The following IRAG2 variants were observed in gnomAD, a reference collection of about 807,000 sequenced individuals.
IRAG2 encodes the protein lymphoid restricted membrane protein.
IRAG2 carries 45 observed loss-of-function variants against 69.9 expected under a neutral mutation model. That is an observed-to-expected ratio of 0.64 (90% confidence interval 0.51 to 0.83). The LOEUF (loss-of-function observed/expected upper bound fraction) is 0.83. IRAG2 is among the 40% of genes least tolerant of loss of function. The pLI is 0.00. For synonymous variants in IRAG2, 193 were observed against 202.4 expected (o/e 0.95, Z 0.40); for missense variants, 520 against 587.0 (o/e 0.89, Z 1.18).
chr12:25,071,791 T>C (rs1946353524), intron 6 of IRAG2, among the ~76,000 whole-genome samples: 1 of 142,948 alleles, frequency 7.0e-6, no homozygotes, highest in Non-Finnish European at 1.5e-5. Flanking sequence ...ACCTTGAAAG[T>C]ATTTTTTTTT....
upstream of IRAG2, among the ~76,000 whole-genome samples, chr12:25,003,178 T>C (rs1377735914): frequency 1.3e-5 from 2 of 151,950 alleles, no homozygotes; most frequent in Non-Finnish European, 2.9e-5. Flanking sequence ...TTCTGTATTA[T>C]TGTTCATTCT....
At chr12:25,031,369 G>A (rs181624561) in intron 10 of IRAG2, among the ~76,000 whole-genome samples, 6 of 152,210 alleles carry the variant, frequency 3.9e-5, no homozygotes, top group African/African-American at 1.4e-4. Flanking sequence ...CACCACGCTA[G>A]CCACAGGATA....
chr12:25,017,613 C>T (rs1463084531), intron 6 of IRAG2, among the ~76,000 whole-genome samples: 1 of 151,746 alleles, frequency 6.6e-6, no homozygotes, highest in Non-Finnish European at 1.5e-5. Flanking sequence ...AGCTATTCTG[C>T]AGGCTGAGGC....
intron 9 of IRAG2, chr12:25,026,993 A>C (rs1944627357): frequency 4.5e-6 from 2 of 442,190 alleles, no homozygotes; most frequent in Non-Finnish European, 7.5e-6. Context: ...TAGTCTACAA[A>C]ATATTTGAGT....
chr12:25,038,594 T>C (rs1031951843), intron 16 of IRAG2, among the ~76,000 whole-genome samples: 8 of 151,238 alleles, frequency 5.3e-5, no homozygotes, highest in Admixed American at 3.9e-4. Flanking sequence ...TGAGCTGAGA[T>C]TGCACTACTG....
chr12:25,105,208 C>G (rs1948985525), intron 20 of IRAG2, among the ~76,000 whole-genome samples: 1 of 151,582 alleles, frequency 6.6e-6, no homozygotes, highest in South Asian at 2.1e-4. Context: ...TCCCAAGTAG[C>G]TGGGACTACA....
In IRAG2 at chr12:25,083,454, C is replaced by A. The variant is rs780916850; in HGVS notation, c.276C>A (p.Phe92Leu). Residue 92 changes from phenylalanine (F) to leucine (L), a missense_variant, in exon 10 of 22, where the codon TTC becomes TTA. Coordinates refer to ENST00000556887, the MANE Select transcript of IRAG2 (RefSeq NM_001366544.2). ...GTSPAHDNIA[F>L]QDSTSKDKTI... The stretch of plus-strand genomic sequence containing the variant: ...GTCCAGCTCATGATAATATTGCATT[C>A]CAAGACTCTACGAGTAAGGATAAAA... The A allele has an allele frequency of 6.2e-7, 1 of 1,612,078 alleles. No individual in the cohort carries two copies. Among genetic ancestry groups the A allele is most frequent in the South Asian group, 1.1e-5 (1 of 91,008 alleles).
chr12:25,022,852 G>A (rs557540086), intron 7 of IRAG2, among the ~76,000 whole-genome samples: 11 of 152,334 alleles, frequency 7.2e-5, no homozygotes, highest in South Asian at 2.1e-4. Flanking sequence ...GCCACCGGGC[G>A]TGGTGGCTCA....
chr12:25,087,180 T>TTTTTTTTTTTTTGTTG (rs1450270058), intron 10 of IRAG2, among the ~76,000 whole-genome samples: 20 of 125,168 alleles, frequency 1.6e-4, no homozygotes, highest in African/African-American at 5.9e-4. Flanking sequence ...TTTTTTTTTT[T>TTTTTTTTTTTTTGTTG]TTGTTGAGAC....
chr12:25,025,594 G>A (rs752349735), intron 8 of IRAG2, among the ~76,000 whole-genome samples: 18 of 152,148 alleles, frequency 1.2e-4, no homozygotes, highest in South Asian at 2.1e-4. Flanking sequence ...ATCTAATTCC[G>A]TTTTAACAAG....
At chr12:25,009,627 GC>G (rs952351170) in intron 2 of IRAG2, among the ~76,000 whole-genome samples, 1 of 152,172 alleles carries the variant, frequency 6.6e-6, no homozygotes, top group African/African-American at 2.4e-5. Flanking sequence ...ATGGAGGCGG[GC>G]AAGTCCCAAG....
intron 15 of IRAG2, chr12:25,036,820 G>A (rs1368882475): frequency 2.5e-6 from 1 of 394,498 alleles, no homozygotes; most frequent in African/African-American, 2.1e-5. Context: ...AGTATAGACT[G>A]TGTGTCCAGG....
intron 7 of IRAG2, among the ~76,000 whole-genome samples, chr12:25,021,546 CA>C (rs138396686): frequency 0.053 from 8,125 of 152,138 alleles, 452 homozygotes; most frequent in African/African-American, 0.15. Flanking sequence ...AATTTCAGAG[CA>C]AAAGAGTCAT....
At chr12:25,040,792 G>T (rs183069969) in intron 16 of IRAG2, among the ~76,000 whole-genome samples, 5 of 152,162 alleles carry the variant, frequency 3.3e-5, no homozygotes, top group African/African-American at 1.2e-4. Context: ...TACGACATCC[G>T]TCAGGATGTC....
At chr12:25,018,976 C>T (rs61912237) in intron 6 of IRAG2, among the ~76,000 whole-genome samples, 3,232 of 152,264 alleles carry the variant, frequency 0.021, 56 homozygotes, top group Middle Eastern at 0.041. Context: ...TCTGTATTAA[C>T]CATTGAGGTG....
At chr12:25,010,421 G>A (rs1325960335) in intron 2 of IRAG2, among the ~76,000 whole-genome samples, 1 of 151,522 alleles carries the variant, frequency 6.6e-6, no homozygotes, top group Non-Finnish European at 1.5e-5. Context: ...AGGTTGCAGT[G>A]AACCAGGAGC....
intron 18 of IRAG2, 41 bp downstream of exon 18, chr12:25,103,940 A>C: frequency 6.2e-7 from 1 of 1,604,316 alleles, no homozygotes; most frequent in African/African-American, 1.3e-5. Flanking sequence ...AGGTAAATTC[A>C]TTTTCATATG....
intron 9 of IRAG2, among the ~76,000 whole-genome samples, chr12:25,029,520 C>T (rs1293769954): frequency 3.3e-5 from 5 of 152,162 alleles, no homozygotes; most frequent in Non-Finnish European, 5.9e-5. Flanking sequence ...GATTATTTTT[C>T]CAGGTTCTCA....
upstream of IRAG2, among the ~76,000 whole-genome samples, chr12:25,050,418 A>C (rs1395148785): frequency 7.3e-5 from 11 of 151,650 alleles, no homozygotes; most frequent in Non-Finnish European, 1.5e-4. Flanking sequence ...AGTCCCAGCT[A>C]CCCGGGAGGC....
Sources: gnomAD v4.1 joint callset for allele counts (sites outside exome capture counted in the v4.1 genomes callset) on GRCh38, gnomAD v4.1.1 for gene constraint, MANE v1.5 for transcripts, NCBI Gene and HGNC (gene_info 2026-07-23, HGNC 2026-07-21) for gene names.